GAN: variants seen among roughly 807,000 people sequenced by gnomAD.
The protein encoded by GAN is gigaxonin.
A neutral mutation model predicts 71.3 loss-of-function variants in GAN; 48 were observed. The ratio of observed to expected loss-of-function variants is 0.67; its 90% CI spans 0.53 to 0.86. GAN has a LOEUF of 0.86. Among genes scored for constraint, GAN ranks in the 40% least tolerant of loss-of-function variants. The pLI is 0.00. For missense variants in GAN, 928 were observed against 770.1 expected (o/e 1.21, Z -2.43); for synonymous variants, 386 against 276.8 (o/e 1.39, Z -3.92).
At chr16:81,339,763 G>A (rs767645082) in intron 1 of GAN, among the ~76,000 whole-genome samples, 6 of 152,186 alleles carry the variant, frequency 3.9e-5, no homozygotes, top group Middle Eastern at 3.2e-3. Context: ...CTGTAGAACA[G>A]CTGGCATTAC....
intron 5 of GAN, among the ~76,000 whole-genome samples, chr16:81,361,465 C>G (rs941415695): frequency 6.6e-6 from 1 of 152,194 alleles, no homozygotes; most frequent in African/African-American, 2.4e-5. Context: ...GGCCTTCATC[C>G]TGACAGTGTA....
chr16:81,355,952 A>T (rs1476050125), intron 3 of GAN, among the ~76,000 whole-genome samples: 2 of 152,208 alleles, frequency 1.3e-5, no homozygotes, highest in Non-Finnish European at 2.9e-5. Context: ...TAGTTGGGGA[A>T]ATTGGTAAAG....
Position 81,377,753 on chromosome 16 carries a change from C to G in GAN, c.*157C>G. Reference sequence around the variant, plus strand: ...TGATGCTTACAAACTTGAGCTTTAGCTCTTGTTTGGGAGAACACGTAACTG... The same window carrying G: ...TGATGCTTACAAACTTGAGCTTTAGGTCTTGTTTGGGAGAACACGTAACTG... On this transcript the variant is annotated 3_prime_UTR_variant, in exon 11 of 11. Coordinates refer to ENST00000648994, the MANE Select transcript of GAN (RefSeq NM_022041.4). 1.4e-6 allele frequency: 1 copy of G among 738,260 alleles called. No individual in the cohort carries two copies. The highest frequency in any genetic ancestry group is 2.6e-5 in the East Asian group (1 of 38,836). The allele number at this position is 738,260 out of a possible 1,614,324, so 45.7% of individuals were successfully genotyped here.
At chr16:81,341,513 T>C (rs924282335) in intron 1 of GAN, among the ~76,000 whole-genome samples, 10 of 152,182 alleles carry the variant, frequency 6.6e-5, no homozygotes, top group African/African-American at 2.4e-4. Context: ...CAACCCAGAA[T>C]TTCATATCTA....
In GAN at chr16:81,354,586, A is replaced by G; in HGVS notation, c.464A>G (p.Glu155Gly). 6.2e-7 allele frequency: 1 copy of G among 1,614,202 alleles called. No individual in the cohort carries two copies. Among genetic ancestry groups the G allele is most frequent in the South Asian group, 1.1e-5 (1 of 91,084 alleles). ...CLHHVHYLAT[E>G]YLETHFRDVS... ...CATCACGTTCATTACCTTGCCACAG[A>G]ATACCTGGAGACTCATTTCCGAGAC... The change falls in exon 3 of 11, where the codon GAA (glutamate) becomes GGA (glycine). Residue 155 changes from glutamate to glycine, a missense_variant. By Grantham distance (98) the Glu-to-Gly change is moderately conservative. Transcript: ENST00000648994.
intron 1 of GAN, among the ~76,000 whole-genome samples, chr16:81,335,466 G>A (rs1909723796): frequency 6.6e-6 from 1 of 151,816 alleles, no homozygotes; most frequent in Non-Finnish European, 1.5e-5. Flanking sequence ...AAAATACATG[G>A]CCGGGCATGG....
chr16:81,351,903 A>G (rs1290145422), intron 2 of GAN, among the ~76,000 whole-genome samples: 2 of 152,162 alleles, frequency 1.3e-5, no homozygotes, highest in Non-Finnish European at 2.9e-5. Flanking sequence ...AGGAAGTAAG[A>G]TCTTAGACTC....
At chr16:81,315,735 C>G (rs1173314360) in intron 1 of GAN, among the ~76,000 whole-genome samples, 1 of 152,240 alleles carries the variant, frequency 6.6e-6, no homozygotes, top group Non-Finnish European at 1.5e-5. Flanking sequence ...GCCAGTCGCT[C>G]GCCTCTGAAT....
intron 1 of GAN, among the ~76,000 whole-genome samples, chr16:81,319,506 C>G (rs1401860079): frequency 6.6e-6 from 1 of 152,038 alleles, no homozygotes; most frequent in Non-Finnish European, 1.5e-5. Context: ...AAATGAACGG[C>G]TATGTGCTTC....
chr16:81,319,086 C>G (rs112203855), intron 1 of GAN, among the ~76,000 whole-genome samples: 1 of 151,752 alleles, frequency 6.6e-6, no homozygotes, highest in Non-Finnish European at 1.5e-5. Context: ...GAGGCTGAGG[C>G]GGGAGGATCC....
chr16:81,355,019 A>G (rs1334497600), intron 3 of GAN, among the ~76,000 whole-genome samples: 3 of 152,204 alleles, frequency 2.0e-5, no homozygotes, highest in Non-Finnish European at 2.9e-5. Context: ...TAATGGGAAA[A>G]TGCATTTCAA....
chr16:81,321,090 T>C (rs1024688502), intron 1 of GAN, among the ~76,000 whole-genome samples: 1 of 152,214 alleles, frequency 6.6e-6, no homozygotes, highest in Non-Finnish European at 1.5e-5. Flanking sequence ...AGATTACTCA[T>C]GTCAGTTTAA....
At chr16:81,373,052 G>C (rs1911084952) in intron 9 of GAN, among the ~76,000 whole-genome samples, 1 of 152,150 alleles carries the variant, frequency 6.6e-6, no homozygotes, top group Non-Finnish European at 1.5e-5. Context: ...GTTGTTCTGT[G>C]GTCATTAGAC....
In GAN at chr16:81,381,782, C is replaced by T. The variant is rs144393311; in HGVS notation, c.*4186C>T. The T allele has an allele frequency of 2.1e-4, 32 of 152,298 alleles. No individual in the cohort carries two copies. Among genetic ancestry groups the T allele is most frequent in the African/African-American group, 7.5e-4 (31 of 41,560 alleles). The allele number at this position is 152,298 out of a possible 1,614,324, so 9.4% of individuals were successfully genotyped here. A position where few individuals can be genotyped will look rare whatever the true frequency, so the allele number is the denominator to read the frequency against. On this transcript the variant is annotated 3_prime_UTR_variant, in exon 11 of 11. Coordinates refer to ENST00000648994, the MANE Select transcript of GAN (RefSeq NM_022041.4). ...AGATTCTTGTGATCAAAGTAATGTT[C>T]TTCTGTTGAAAAGGGCACTCCAAGA...
chr16:81,321,796 G>A (rs545972410), intron 1 of GAN, among the ~76,000 whole-genome samples: 2 of 152,226 alleles, frequency 1.3e-5, no homozygotes, highest in South Asian at 4.2e-4. Flanking sequence ...TTGAATTCTG[G>A]GTTAAGGGTG....
rs1053216340 is a variant in GAN, at chr16:81,382,391, T to C, written c.*4795T>C. ...GCACAGGCATAAGCTGAAAGATCTT[T>C]GATTTTCTTTGTTAGTTAGCTATAG... On this transcript the variant is annotated 3_prime_UTR_variant, in exon 11 of 11. Coordinates refer to ENST00000648994, the MANE Select transcript of GAN (RefSeq NM_022041.4). 1.3e-5 allele frequency: 2 copies of C among 152,216 alleles called. No individual in the cohort carries two copies. Among genetic ancestry groups the C allele is most frequent in the African/African-American group, 4.8e-5 (2 of 41,452 alleles). 9.4% of individuals were successfully genotyped at this position (152,216 alleles called of 1,614,324 possible). A position where few individuals can be genotyped will look rare whatever the true frequency, so the allele number is the denominator to read the frequency against.
rs1281008273 is a variant in GAN, at chr16:81,377,286, C to T, written c.1570C>T (p.Pro524Ser). The change falls in exon 10 of 11, where the codon CCT (proline) becomes TCT (serine). Residue 524 changes from proline to serine, a missense_variant. Pro to Ser is a moderately conservative substitution (Grantham distance 74). Transcript: ENST00000648994. The stretch of plus-strand genomic sequence containing the variant: ...TTCCTCTTTTGTTTATGGAGCTGTA[C>T]CTATAGGAGCCAGTATTTATGTTAT... ...ASSSFVYGAV[P>S]IGASIYVIGD... is the part of the protein sequence containing the mutation. 4 of 1,609,728 alleles carry T rather than the reference C, an allele frequency of 2.5e-6. No homozygotes were observed. Among genetic ancestry groups the T allele is most frequent in the Admixed American group, 1.7e-5 (1 of 59,988 alleles).
At position 81,377,235 on chromosome 16, in the gene GAN, G is replaced by A. The variant is rs775432106; in HGVS notation, c.1519G>A (p.Asp507Asn). Residue 507 changes from aspartate (D) to asparagine (N), a missense_variant, in exon 10 of 11, where the codon GAC becomes AAC. Transcript: ENST00000648994. ...TGTTTTCAGGTGGATCTATCTTAAC[G>A]ACCAGAATTTATGCATCCCCGCCAG... ...DEFKRWIYLN[D>N]QNLCIPASSS... 17 of 1,605,504 alleles carry A rather than the reference G, an allele frequency of 1.1e-5. No homozygotes were observed. The Admixed American group carries it at 1.3e-4, about 13-fold the overall frequency.
At chr16:81,340,261 G>T (rs1213118431) in intron 1 of GAN, among the ~76,000 whole-genome samples, 2 of 152,112 alleles carry the variant, frequency 1.3e-5, no homozygotes, top group East Asian at 1.9e-4. Flanking sequence ...CATTAGAAAT[G>T]ATCCTCTTTC....
Sources: allele counts gnomAD v4.1 joint callset (sites outside exome capture counted in the v4.1 genomes callset), GRCh38; gene constraint gnomAD v4.1.1; transcripts MANE v1.5; gene names NCBI Gene and HGNC (gene_info 2026-07-23, HGNC 2026-07-21).